UTP20: variants seen among roughly 807,000 people sequenced by gnomAD.
The protein encoded by UTP20 is small subunit processome component 20 homolog.
Under a neutral mutation model 329.5 loss-of-function variants are expected in UTP20, and 164 were observed. That is an observed-to-expected ratio of 0.50 (90% confidence interval 0.44 to 0.57). The LOEUF (loss-of-function observed/expected upper bound fraction) is 0.57. Among genes scored for constraint, UTP20 ranks in the 20% least tolerant of loss-of-function variants. UTP20 has a pLI of 0.00. For missense variants in UTP20, 3,055 were observed against 3,284.2 expected, an observed-to-expected ratio of 0.93 and a Z score of 1.71; for synonymous variants, 1,151 against 1,159.3, an observed-to-expected ratio of 0.99 and a Z score of 0.14.
At chr12:101,355,355 A>G (rs974820957) in intron 41 of UTP20, among the ~76,000 whole-genome samples, 1 of 152,200 alleles carries the variant, frequency 6.6e-6, no homozygotes, top group Non-Finnish European at 1.5e-5. Flanking sequence ...ATGCTTTTCC[A>G]TCTCCAAAGT....
chr12:101,373,699 G>T lies in UTP20; in HGVS notation c.7063G>T (p.Gly2355Cys), dbSNP rs905440750. The change falls in exon 54 of 62, where the codon GGT becomes TGT. Residue 2355 changes from glycine to cysteine, a missense_variant. Around this residue, in one of 3 missense-constraint regions of UTP20, gnomAD observed 273 missense variants for 363.1 expected, o/e 0.75. Coordinates refer to ENST00000261637, the MANE Select transcript of UTP20 (RefSeq NM_014503.3). ...MASMTIKSLL[G>C]KISLEKKDWL... ...ATCCATGACAATCAAGTCCCTACTT[G>T]GTAAAATCAGCCTCGAGAAAAAAGA... 3.7e-6 allele frequency: 6 copies of T among 1,612,044 alleles called. No individual in the cohort carries two copies. The African/African-American group carries it at 8.0e-5, about 22-fold the overall frequency.
chr12:101,312,732 G>A (rs767002988), intron 21 of UTP20, among the ~76,000 whole-genome samples: 16 of 152,186 alleles, frequency 1.1e-4, no homozygotes, highest in African/African-American at 2.9e-4. Context: ...GAGCCACCAC[G>A]CCCAGCCTAG....
At chr12:101,330,003 A>C (rs1039319151) in intron 27 of UTP20, among the ~76,000 whole-genome samples, 14 of 152,072 alleles carry the variant, frequency 9.2e-5, no homozygotes, top group African/African-American at 3.4e-4. Context: ...TCTTAAAAAA[A>C]AAAAAAGAAA....
chr12:101,385,699 G>A lies in UTP20; in HGVS notation c.8173G>A (p.Ala2725Thr), dbSNP rs770002866. The change falls in exon 61 of 62, where the codon GCA becomes ACA. Residue 2725 changes from alanine to threonine, a missense_variant. By Grantham distance (58) the Ala-to-Thr change is moderately conservative. Coordinates refer to ENST00000261637, the MANE Select transcript of UTP20 (RefSeq NM_014503.3). ...ACAGAAACAGGCTAATGAGAAAAGG[G>A]CACTCCGGAAAAAGAGGAAGGCCCT... ...SVQKQANEKR[A>T]LRKKRKALEF... is the part of the protein sequence containing the mutation. The A allele has an allele frequency of 3.1e-6, 5 of 1,610,328 alleles. No individual in the cohort carries two copies. Among genetic ancestry groups the A allele is most frequent in the Non-Finnish European group, 4.2e-6 (5 of 1,179,402 alleles).
At chr12:101,363,220 T>G (rs1869984266) in intron 44 of UTP20, among the ~76,000 whole-genome samples, 1 of 152,208 alleles carries the variant, frequency 6.6e-6, no homozygotes, top group Non-Finnish European at 1.5e-5. Context: ...TTAATTAGAT[T>G]GCAAATATTC....
In UTP20 at chr12:101,280,225, T is replaced by A. The variant is rs1227086121; in HGVS notation, c.-58T>A. The A allele has an allele frequency of 5.2e-6, 8 of 1,547,830 alleles. No individual in the cohort carries two copies. In the Admixed American group the frequency reaches 1.6e-4, roughly 30 times the overall value. The stretch of plus-strand genomic sequence containing the variant: ...GTGAGCCGCTTTCCCCTCCTTACTG[T>A]CGGTTGCATCCCTTCGACACTCCCG... On this transcript the variant is annotated 5_prime_UTR_variant, in exon 1 of 62. Transcript: ENST00000261637.
chr12:101,359,633 A>G (rs1183783153), intron 43 of UTP20, among the ~76,000 whole-genome samples: 1 of 151,532 alleles, frequency 6.6e-6, no homozygotes, highest in Admixed American at 6.6e-5. Context: ...TGAGTTTCTT[A>G]TTTCAGTTTT....
At chr12:101,308,482 C>T (rs1872696060) in intron 18 of UTP20, 139 bp downstream of exon 18, 3 of 490,482 alleles carry the variant, frequency 6.1e-6, no homozygotes, top group African/African-American at 4.2e-5. Context: ...CCCCAGTTCT[C>T]TTAGATGCTT....
At chr12:101,283,142 A>G (rs1384643472) in intron 2 of UTP20, among the ~76,000 whole-genome samples, 1 of 152,222 alleles carries the variant, frequency 6.6e-6, no homozygotes, top group Non-Finnish European at 1.5e-5. Flanking sequence ...CAGATTTGGC[A>G]TTTAGAATAT....
chr12:101,333,439 C>T lies in UTP20; in HGVS notation c.3556C>T (p.Pro1186Ser). ...IDAVFHGAVW[P>S]QISRLGSESQ... ...TGCTGTGTTTCATGGTGCAGTTTGG[C>T]CCCAGGTAAACCTCAATTTCTACAT... Residue 1186 changes from proline to serine, a missense_variant, in exon 28 of 62, where the codon CCC (proline) becomes TCC (serine). Physicochemically the swap from Pro to Ser is moderately conservative, Grantham distance 74. Around this residue, in one of 3 missense-constraint regions of UTP20, gnomAD observed 2,445 missense variants for 2,575.5 expected, o/e 0.95. Transcript: ENST00000261637. 1.2e-6 allele frequency: 2 copies of T among 1,612,948 alleles called. No homozygotes were observed. The highest frequency in any genetic ancestry group is 2.2e-5 in the South Asian group (2 of 90,698).
At chr12:101,377,387 G>A (rs1485141148) in intron 56 of UTP20, among the ~76,000 whole-genome samples, 1 of 152,090 alleles carries the variant, frequency 6.6e-6, no homozygotes, top group Non-Finnish European at 1.5e-5. Flanking sequence ...CTGGAGTGTA[G>A]TTGTGCGATC....
At chr12:101,302,008 G>A (rs1872533972) in intron 14 of UTP20, among the ~76,000 whole-genome samples, 1 of 152,120 alleles carries the variant, frequency 6.6e-6, no homozygotes. Flanking sequence ...CTTACTGCAT[G>A]CAGCCTTGAC....
chr12:101,326,411 A>G (rs77851027), intron 25 of UTP20, among the ~76,000 whole-genome samples: 335 of 151,642 alleles, frequency 2.2e-3, no homozygotes, highest in African/African-American at 7.4e-3. Context: ...CATAGAAATT[A>G]TTTTTTTTCC....
chr12:101,373,645 G>A lies in UTP20; in HGVS notation c.7009G>A (p.Asp2337Asn), dbSNP rs1035562508. The A allele has an allele frequency of 1.2e-6, 2 of 1,613,222 alleles. No homozygotes were observed. Among genetic ancestry groups the A allele is most frequent in the South Asian group, 1.1e-5 (1 of 90,778 alleles). Residue 2337 changes from aspartate to asparagine, a missense_variant, in exon 54 of 62, where the codon GAT (aspartate) becomes AAT (asparagine). Asp to Asn is a conservative substitution (Grantham distance 23, BLOSUM62 1). Transcript: ENST00000261637. ...CCCTCTTTGTCTAATGACGATCAAT[G>A]ATGACTCTGCCACGTGCAAAAAGAT... ...FIPLCLMTIN[D>N]DSATCKKMAS...
chr12:101,306,883 G>A (rs1183120917), intron 17 of UTP20, 122 bp downstream of exon 17: 5 of 1,055,796 alleles, frequency 4.7e-6, no homozygotes, highest in Non-Finnish European at 6.4e-6. Context: ...CGTAAAAATT[G>A]ATTTTTTTGG....
At chr12:101,359,856 C>T (rs1869855997) in intron 43 of UTP20, among the ~76,000 whole-genome samples, 1 of 152,168 alleles carries the variant, frequency 6.6e-6, no homozygotes, top group Non-Finnish European at 1.5e-5. Flanking sequence ...TAGGCCAACC[C>T]TCTCAGAACT....
At chr12:101,356,824 A>C in intron 42 of UTP20, 102 bp from the exon 43 acceptor site, 1 of 1,478,336 alleles carries the variant, frequency 6.8e-7, no homozygotes, top group Non-Finnish European at 9.1e-7. Flanking sequence ...GAATATTAAC[A>C]GGAAAATTTG....
At position 101,290,237 on chromosome 12, in the gene UTP20, A is replaced by G; in HGVS notation, c.698A>G (p.Lys233Arg). ...GGACAGTTGCTCTTTGAAATGTGCA[A>G]AGGAGTTAGAAATATGTTTCACTCC... ...GVGQLLFEMCKGVRNMFHSCT... is the reference protein window; with the variant it reads ...GVGQLLFEMCRGVRNMFHSCT... Residue 233 changes from lysine (K) to arginine (R), a missense_variant, in exon 7 of 62, where the codon AAA (lysine) becomes AGA (arginine). By Grantham distance (26) the Lys-to-Arg change is conservative (BLOSUM62 2). This residue lies in a region of UTP20 where 2,445 missense variants were observed against 2,575.5 expected (regional missense o/e 0.95). Coordinates refer to ENST00000261637, the MANE Select transcript of UTP20 (RefSeq NM_014503.3). 1 of 1,609,592 alleles carries G rather than the reference A, an allele frequency of 6.2e-7. No homozygotes were observed. Among genetic ancestry groups the G allele is most frequent in the Non-Finnish European group, 8.5e-7 (1 of 1,177,880 alleles).
intron 41 of UTP20, 52 bp downstream of exon 41, chr12:101,355,170 G>A (rs1409463288): frequency 6.4e-7 from 1 of 1,568,546 alleles, no homozygotes; most frequent in African/African-American, 1.4e-5. Context: ...TGGTGTTGGT[G>A]GAGCCCTGTC....
Sources: gnomAD v4.1 joint callset for allele counts (sites outside exome capture counted in the v4.1 genomes callset) on GRCh38, gnomAD v4.1.1 for gene constraint, gnomAD v4.1.1 regional missense constraint, MANE v1.5 for transcripts, NCBI Gene and HGNC (gene_info 2026-07-23, HGNC 2026-07-21) for gene names.